The following ADK variants were observed in gnomAD, a reference collection of about 807,000 sequenced individuals.
The protein encoded by ADK is adenosine kinase.
ADK carries 24 observed loss-of-function variants against 44.7 expected under a neutral mutation model. That is an observed-to-expected ratio of 0.54 (90% CI 0.39 to 0.76). The LOEUF is 0.76. Among genes scored for constraint, ADK ranks in the 30% least tolerant of loss-of-function variants. The pLI, the probability that ADK is intolerant of heterozygous loss-of-function variation, is 0.00. For synonymous variants in ADK, 128 were observed against 142.6 expected (o/e 0.90, Z 0.73); for missense variants, 321 against 425.1 (o/e 0.76, Z 2.15).
intron 7 of ADK, among the ~76,000 whole-genome samples, chr10:74,541,093 C>T (rs192258377): frequency 6.6e-6 from 1 of 152,122 alleles, no homozygotes. Flanking sequence ...CGGCTCACTG[C>T]AACCTCCACC....
At chr10:74,188,063 G>T (rs986814403) in intron 1 of ADK, among the ~76,000 whole-genome samples, 1 of 152,182 alleles carries the variant, frequency 6.6e-6, no homozygotes, top group Non-Finnish European at 1.5e-5. Context: ...TACTTTAGCT[G>T]ATATATAAGC....
At chr10:74,552,326 AT>A (rs1850064886) in intron 7 of ADK, among the ~76,000 whole-genome samples, 1 of 152,208 alleles carries the variant, frequency 6.6e-6, no homozygotes, top group Admixed American at 6.5e-5. Context: ...GTCAGCACTT[AT>A]TTGAGATTTT....
chr10:74,561,905 T>C (rs1210148132), intron 7 of ADK, among the ~76,000 whole-genome samples: 1 of 152,224 alleles, frequency 6.6e-6, no homozygotes, highest in Non-Finnish European at 1.5e-5. Flanking sequence ...TTTTCTATAA[T>C]GGATTCCTAG....
intron 6 of ADK, among the ~76,000 whole-genome samples, chr10:74,421,265 T>C (rs1844545816): frequency 6.6e-6 from 1 of 152,088 alleles, no homozygotes; most frequent in Admixed American, 6.5e-5. Flanking sequence ...CTCATAACGG[T>C]ATGGGTGAAC....
intron 3 of ADK, among the ~76,000 whole-genome samples, chr10:74,286,360 G>GT (rs1459687986): frequency 1.3e-5 from 2 of 152,156 alleles, no homozygotes; most frequent in Non-Finnish European, 2.9e-5. Flanking sequence ...CTTGAGGAGT[G>GT]TTTTTTAAAA....
intron 7 of ADK, among the ~76,000 whole-genome samples, chr10:74,547,897 A>C (rs1029405749): frequency 6.6e-6 from 1 of 152,122 alleles, no homozygotes; most frequent in Admixed American, 6.5e-5. Context: ...ACCTCAGGTG[A>C]TCTCCCTGCC....
intron 3 of ADK, among the ~76,000 whole-genome samples, chr10:74,299,357 C>G (rs938082877): frequency 6.8e-6 from 1 of 147,824 alleles, no homozygotes; most frequent in Non-Finnish European, 1.5e-5. Context: ...AAATTAGCAG[C>G]GTGTGGTGGC....
At position 74,639,298 on chromosome 10, in the gene ADK, T is replaced by C. The variant is rs1461357702; in HGVS notation, c.878-30885T>C. 3.3e-5 allele frequency among the ~76,000 whole-genome samples: 5 copies of C among 152,228 alleles called. No homozygotes were observed. In the East Asian group the frequency reaches 9.6e-4, roughly 29 times the overall value. On this transcript the variant is annotated intron_variant, in intron 9 of 10. Coordinates refer to ENST00000539909, the MANE Select transcript of ADK (RefSeq NM_006721.4). ...CTAGAGTGTAAATTGGTAAAAGTTT[T>C]CATATCCTTTTATACAGCAATTTCA...
chr10:74,609,057 C>T (rs1329895931), intron 9 of ADK, among the ~76,000 whole-genome samples: 1 of 152,196 alleles, frequency 6.6e-6, no homozygotes, highest in African/African-American at 2.4e-5. Flanking sequence ...ACCGCCTACT[C>T]AAGCCTCGGT....
chr10:74,249,689 T>C (rs1845574600), intron 3 of ADK, among the ~76,000 whole-genome samples: 1 of 152,214 alleles, frequency 6.6e-6, no homozygotes. Flanking sequence ...TGTGGCATCG[T>C]AGAATCTTGC....
intron 7 of ADK, among the ~76,000 whole-genome samples, chr10:74,558,905 C>T (rs936270036): frequency 6.6e-6 from 1 of 152,188 alleles, no homozygotes; most frequent in African/African-American, 2.4e-5. Context: ...AGGGTTCCTC[C>T]CTCATCTGTC....
At chr10:74,162,405 C>T (rs1370590719) in intron 1 of ADK, among the ~76,000 whole-genome samples, 2 of 152,026 alleles carry the variant, frequency 1.3e-5, no homozygotes, top group Non-Finnish European at 2.9e-5. Flanking sequence ...AGAACTATTA[C>T]CTGAAAATAC....
chr10:74,302,745 C>T (rs1057044665), intron 3 of ADK, among the ~76,000 whole-genome samples: 1 of 151,984 alleles, frequency 6.6e-6, no homozygotes, highest in African/African-American at 2.4e-5. Flanking sequence ...GCAGTGAACC[C>T]AAATCGTGCC....
At chr10:74,426,939 C>T in intron 6 of ADK, among the ~76,000 whole-genome samples, 1 of 152,146 alleles carries the variant, frequency 6.6e-6, no homozygotes, top group East Asian at 1.9e-4. Context: ...TATCCCTCCC[C>T]TAACCCCCCA....
At chr10:74,576,233 A>C (rs972705520) in intron 7 of ADK, among the ~76,000 whole-genome samples, 1 of 152,198 alleles carries the variant, frequency 6.6e-6, no homozygotes, top group Non-Finnish European at 1.5e-5. Flanking sequence ...GAGAGTTCCT[A>C]GGAAAGGGTG....
chr10:74,275,438 A>G (rs1329076008), intron 3 of ADK, among the ~76,000 whole-genome samples: 4 of 152,210 alleles, frequency 2.6e-5, no homozygotes, highest in East Asian at 1.9e-4. Flanking sequence ...TTTATTAACT[A>G]GGACAGATCT....
intron 1 of ADK, among the ~76,000 whole-genome samples, chr10:74,187,520 T>TC: frequency 6.6e-6 from 1 of 151,762 alleles, no homozygotes; most frequent in East Asian, 2.0e-4. Flanking sequence ...ACACACACTC[T>TC]TTCTCTCTCT....
intron 10 of ADK, among the ~76,000 whole-genome samples, chr10:74,701,014 A>G (rs1856400875): frequency 6.6e-6 from 1 of 152,256 alleles, no homozygotes. Context: ...TGACTACACC[A>G]GAGAACAGAA....
At chr10:74,591,969 T>C (rs1851738768) in intron 8 of ADK, among the ~76,000 whole-genome samples, 1 of 151,904 alleles carries the variant, frequency 6.6e-6, no homozygotes, top group Admixed American at 6.6e-5. Flanking sequence ...CAGGAAATAT[T>C]CTCAGTGGCA....
Sources: allele counts gnomAD v4.1 joint callset (sites outside exome capture counted in the v4.1 genomes callset), GRCh38; gene constraint gnomAD v4.1.1; transcripts MANE v1.5; gene names NCBI Gene and HGNC (gene_info 2026-07-23, HGNC 2026-07-21).